Variants in TIMM13 observed in about 807,000 individuals in gnomAD.
TIMM13 encodes mitochondrial import inner membrane translocase subunit Tim13.
Under a neutral mutation model 10.9 loss-of-function variants are expected in TIMM13, and 8 were observed. The observed-to-expected ratio is 0.73, with a 90% CI of 0.43 to 1.32. TIMM13 has a LOEUF of 1.32. Ranked by LOEUF, TIMM13 falls within the 40% of genes most tolerant of loss-of-function variation. The pLI is 0.01. For synonymous variants in TIMM13, 68 were observed against 52.5 expected, an observed-to-expected ratio of 1.30 and a Z score of -1.28; for missense variants, 147 against 132.8, an observed-to-expected ratio of 1.11 and a Z score of -0.53.
In TIMM13 at chr19:2,426,071, C is replaced by A; in HGVS notation, c.*877G>T. 3 of 1,608,336 alleles carry A rather than the reference C, an allele frequency of 1.9e-6. No homozygotes were observed. The South Asian group carries it at 3.3e-5, about 18-fold the overall frequency. ...GGCAGCTGTGAGAGGCTGGATAGGA[C>A]AGCACATCCAGGAGTGACCACCACG... On this transcript the variant is annotated 3_prime_UTR_variant, in exon 3 of 3. Transcript: ENST00000215570.
Position 2,426,825 on chromosome 19 carries a change from C to G in TIMM13, c.*123G>C. On this transcript the variant is annotated 3_prime_UTR_variant, in exon 3 of 3. Transcript: ENST00000215570. ...GGGCGGGGGGTGGCGAGGACACAGT[C>G]CCGTGTGTCCCAGCACCGGTGCCAC... is the stretch of plus-strand genomic sequence containing the variant. 1 of 956,768 alleles carries G rather than the reference C, an allele frequency of 1.0e-6. No individual in the cohort carries two copies. The allele number at this position is 956,768 out of a possible 1,614,324, so 59.3% of individuals were successfully genotyped here.
At position 2,427,280 on chromosome 19, in the gene TIMM13, C is replaced by T. The variant is rs1971662147; in HGVS notation, c.165G>A (p.Gly55=). The T allele has an allele frequency of 6.2e-7, 1 of 1,613,514 alleles. No individual in the cohort carries two copies. The highest frequency in any genetic ancestry group is 1.1e-5 in the South Asian group (1 of 91,076). The change falls in exon 2 of 3, where the codon GGG becomes GGA. Residue 55 remains glycine, a synonymous_variant. Coordinates refer to ENST00000215570, the MANE Select transcript of TIMM13 (RefSeq NM_012458.4). ...KCFRKCIGKP[G]GSLDNSEQKC... The stretch of plus-strand genomic sequence containing the variant: ...CCTGCTCGGAGTTGTCCAGGGAGCC[C>T]CCAGGTTTCCCTATACACTTCCGGA...
rs1243625634 is a variant in TIMM13, at chr19:2,426,910, A to G, written c.*38T>C. On this transcript the variant is annotated 3_prime_UTR_variant, in exon 3 of 3. Transcript: ENST00000215570. ...GGACCCCGCCTCTCAAAGCACGTTT[A>G]TGGAAATGAACAGGGTGGGGTGGCC... 3 of 1,549,296 alleles carry G rather than the reference A, an allele frequency of 1.9e-6. No individual in the cohort carries two copies. In the Admixed American group the frequency reaches 5.8e-5, roughly 30 times the overall value.
chr19:2,427,379 T>A, intron 1 of TIMM13, 35 bp downstream of exon 1: 1 of 1,611,878 alleles, frequency 6.2e-7, no homozygotes, highest in Non-Finnish European at 8.5e-7. Flanking sequence ...GGTGGCCCTG[T>A]CGCCCCCAGC....
chr19:2,426,237 C>A lies in TIMM13; in HGVS notation c.*711G>T. 3 of 864,702 alleles carry A rather than the reference C, an allele frequency of 3.5e-6. No homozygotes were observed. Among genetic ancestry groups the A allele is most frequent in the Non-Finnish European group, 5.1e-6 (3 of 589,050 alleles). 53.6% of individuals were successfully genotyped at this position (864,702 alleles called of 1,614,324 possible). On this transcript the variant is annotated 3_prime_UTR_variant, in exon 3 of 3. Coordinates refer to ENST00000215570, the MANE Select transcript of TIMM13 (RefSeq NM_012458.4). ...TGCATTTTGGTACCACCCTTTGTTC[C>A]AATAAACACAGCCCCTCCACCCTAG...
chr19:2,427,212 T>G, intron 2 of TIMM13, 44 bp downstream of exon 2: 4 of 1,606,076 alleles, frequency 2.5e-6, no homozygotes, highest in South Asian at 2.2e-5. Context: ...CCCCCTCGAA[T>G]CTAGGCCCTC....
chr19:2,427,174 C>T, intron 2 of TIMM13, 82 bp downstream of exon 2: 1 of 1,579,920 alleles, frequency 6.3e-7, no homozygotes, highest in Non-Finnish European at 8.6e-7. Context: ...CGCACCTCCC[C>T]GTTAGTCTGC....
chr19:2,427,438 C>T lies in TIMM13; in HGVS notation c.96G>A (p.Val32=), dbSNP rs1285634065. ...IMEQVKVQIA[V]ANAQELLQRM... ...CCTGCAGCAGCTCCTGCGCGTTGGC[C>T]ACGGCGATCTGCACTTTCACCTGCT... is the stretch of plus-strand genomic sequence containing the variant. Residue 32 remains valine, a synonymous_variant, in exon 1 of 3, where the codon GTG becomes GTA. Coordinates refer to ENST00000215570, the MANE Select transcript of TIMM13 (RefSeq NM_012458.4). The T allele has an allele frequency of 6.2e-7, 1 of 1,612,726 alleles. No individual in the cohort carries two copies. The highest frequency in any genetic ancestry group is 8.5e-7 in the Non-Finnish European group (1 of 1,179,716).
Position 2,426,172 on chromosome 19 carries a change from T to C in TIMM13, c.*776A>G, listed in dbSNP as rs1971625641. 3 of 1,087,998 alleles carry C rather than the reference T, an allele frequency of 2.8e-6. No individual in the cohort carries two copies. In the East Asian group the frequency reaches 1.3e-4, roughly 46 times the overall value. The allele number at this position is 1,087,998 out of a possible 1,614,324, so 67.4% of individuals were successfully genotyped here. ...CCCAACACCCCACCCCACCGTACCCTACCCAAGGACGGGTGTGGGGGGGCT... is the reference window on the plus strand; with the variant it reads ...CCCAACACCCCACCCCACCGTACCCCACCCAAGGACGGGTGTGGGGGGGCT... On this transcript the variant is annotated 3_prime_UTR_variant, in exon 3 of 3. Coordinates refer to ENST00000215570, the MANE Select transcript of TIMM13 (RefSeq NM_012458.4).
chr19:2,425,732 G>A lies in TIMM13; in HGVS notation c.*1216C>T. ...GAGCAGGCAGAGGCTGCAGTGGGAGGCACCGTTCCACTCCGGGACCACGTG... is the reference window on the plus strand; with the variant it reads ...GAGCAGGCAGAGGCTGCAGTGGGAGACACCGTTCCACTCCGGGACCACGTG... On this transcript the variant is annotated 3_prime_UTR_variant, in exon 3 of 3. Coordinates refer to ENST00000215570, the MANE Select transcript of TIMM13 (RefSeq NM_012458.4). The A allele has an allele frequency of 1.8e-6, 2 of 1,139,486 alleles. No homozygotes were observed. Among genetic ancestry groups the A allele is most frequent in the Non-Finnish European group, 2.4e-6 (2 of 840,690 alleles). 70.6% of individuals were successfully genotyped at this position (1,139,486 alleles called of 1,614,324 possible).
In TIMM13 at chr19:2,426,713, A is replaced by C. The variant is rs1568197184; in HGVS notation, c.*235T>G. The stretch of plus-strand genomic sequence containing the variant: ...CTAGGGGAATACCCCAAAGGCCTGA[A>C]GGAGGTGCCACTGGGCTGCCAGCAC... On this transcript the variant is annotated 3_prime_UTR_variant, in exon 3 of 3. Coordinates refer to ENST00000215570, the MANE Select transcript of TIMM13 (RefSeq NM_012458.4). 6 of 595,032 alleles carry C rather than the reference A, an allele frequency of 1.0e-5. No individual in the cohort carries two copies. Among genetic ancestry groups the C allele is most frequent in the Admixed American group, 8.7e-5 (3 of 34,502 alleles). 36.9% of individuals were successfully genotyped at this position (595,032 alleles called of 1,614,324 possible).
intron 2 of TIMM13, 102 bp from the exon 3 acceptor site, chr19:2,427,148 G>A: frequency 1.3e-6 from 2 of 1,568,204 alleles, no homozygotes; most frequent in Non-Finnish European, 1.7e-6. Flanking sequence ...CTACGCACGT[G>A]CAGTGACCAC....
At position 2,427,472 on chromosome 19, in the gene TIMM13, A is replaced by G. The variant is rs756163552; in HGVS notation, c.62T>C (p.Leu21Pro). ...GSGSGKLDPG[L>P]IMEQVKVQIA... The stretch of plus-strand genomic sequence containing the variant: ...CTGCACTTTCACCTGCTCCATTATG[A>G]GCCCTGGGTCCAGCTTCCCGCTGCC... The change falls in exon 1 of 3, where the codon CTC becomes CCC. Residue 21 changes from leucine to proline, a missense_variant. By Grantham distance (98) the Leu-to-Pro change is moderately conservative. Coordinates refer to ENST00000215570, the MANE Select transcript of TIMM13 (RefSeq NM_012458.4). 1.2e-6 allele frequency: 2 copies of G among 1,612,568 alleles called. No individual in the cohort carries two copies. The highest frequency in any genetic ancestry group is 2.2e-5 in the South Asian group (2 of 91,082).
chr19:2,426,707 G>T lies in TIMM13; in HGVS notation c.*241C>A. On this transcript the variant is annotated 3_prime_UTR_variant, in exon 3 of 3. Transcript: ENST00000215570. ...GGCACACTAGGGGAATACCCCAAAG[G>T]CCTGAAGGAGGTGCCACTGGGCTGC... 2 of 594,070 alleles carry T rather than the reference G, an allele frequency of 3.4e-6. No homozygotes were observed. The allele number at this position is 594,070 out of a possible 1,614,324, so 36.8% of individuals were successfully genotyped here.
In TIMM13 at chr19:2,427,576, C is replaced by A. The variant is rs1323020750; in HGVS notation, c.-43G>T. On this transcript the variant is annotated 5_prime_UTR_variant, in exon 1 of 3. Transcript: ENST00000215570. ...CGGACCGAGGCCGCGTGCGCCGACTCGTAACTAACTGCGCCGGAAGCGGGC... is the reference window on the plus strand; with the variant it reads ...CGGACCGAGGCCGCGTGCGCCGACTAGTAACTAACTGCGCCGGAAGCGGGC... 6.4e-7 allele frequency: 1 copy of A among 1,557,920 alleles called. No homozygotes were observed. The highest frequency in any genetic ancestry group is 2.4e-5 in the East Asian group (1 of 41,806).
Position 2,427,577 on chromosome 19 carries a change from G to GTAAC in TIMM13, c.-48_-45dup, listed in dbSNP as rs536434398. 3.9e-6 allele frequency: 6 copies of GTAAC among 1,555,340 alleles called. No homozygotes were observed. The highest frequency in any genetic ancestry group is 2.4e-5 in the East Asian group (1 of 41,690). On this transcript the variant is annotated 5_prime_UTR_variant, in exon 1 of 3. Transcript: ENST00000215570. ...GGACCGAGGCCGCGTGCGCCGACTC[G>GTAAC]TAACTAACTGCGCCGGAAGCGGGCC...
In TIMM13 at chr19:2,426,278, C is replaced by T. The variant is rs1344571226; in HGVS notation, c.*670G>A. On this transcript the variant is annotated 3_prime_UTR_variant, in exon 3 of 3. Transcript: ENST00000215570. ...TCCACCCTAGCTCACTGGCTCAGCA[C>T]CTCAGTGTCACAGCGAGGACCACCT... The T allele has an allele frequency of 3.0e-6, 1 of 334,892 alleles. No homozygotes were observed. Among genetic ancestry groups the T allele is most frequent in the Non-Finnish European group, 4.5e-6 (1 of 222,194 alleles). 20.7% of individuals were successfully genotyped at this position (334,892 alleles called of 1,614,324 possible).
intron 1 of TIMM13, 38 bp downstream of exon 1, chr19:2,427,376 C>T: frequency 6.2e-7 from 1 of 1,611,990 alleles, no homozygotes; most frequent in Non-Finnish European, 8.5e-7. Flanking sequence ...AGGGGTGGCC[C>T]TGTCGCCCCC....
At position 2,427,420 on chromosome 19, in the gene TIMM13, C is replaced by T. The variant is rs761229282; in HGVS notation, c.114G>A (p.Leu38=). The change falls in exon 1 of 3, where the codon CTG becomes CTA. Residue 38 remains leucine, a synonymous_variant. Transcript: ENST00000215570. ...VQIAVANAQE[L]LQRMTDKCFR... ...TCCCCGGCCAGCCCCGCACCTGCAG[C>T]AGCTCCTGCGCGTTGGCCACGGCGA... The T allele has an allele frequency of 1.2e-6, 2 of 1,612,718 alleles. No homozygotes were observed. Among genetic ancestry groups the T allele is most frequent in the Admixed American group, 3.3e-5 (2 of 59,990 alleles).
Sources: allele counts gnomAD v4.1 joint callset, GRCh38; gene constraint gnomAD v4.1.1; transcripts MANE v1.5; gene names NCBI Gene and HGNC (gene_info 2026-07-23, HGNC 2026-07-21).